ADAM12: variants seen among roughly 807,000 people sequenced by gnomAD.
The protein encoded by ADAM12 is ADAM metallopeptidase domain 12, also known as disintegrin and metalloproteinase domain-containing protein 12.
A neutral mutation model predicts 106.4 loss-of-function variants in ADAM12; 70 were observed. The ratio of observed to expected loss-of-function variants is 0.66; its 90% CI spans 0.54 to 0.80. The LOEUF is 0.80. ADAM12 is among the 30% of genes least tolerant of loss of function. The pLI, the probability that ADAM12 is intolerant of heterozygous loss-of-function variation, is 0.00. For missense variants in ADAM12, 1,010 were observed against 1,171.9 expected, an observed-to-expected ratio of 0.86 and a Z score of 2.02; for synonymous variants, 420 against 433.5, an observed-to-expected ratio of 0.97 and a Z score of 0.39.
rs1565063717 is a variant in ADAM12 at position 126,108,572 on chromosome 10, AACT to A, written c.741+18_741+20del. ...AACATTTACATGATCTGAATGATTT[AACT>A]ACTGAAAAAGAACTTACCTTGTCAA... On this transcript the variant is annotated intron_variant, in intron 8 of 22. Transcript: ENST00000448723. The A allele has an allele frequency of 6.2e-7, 1 of 1,601,260 alleles. No homozygotes were observed.
chr10:126,113,674 AAAAAAAAAAAAAAATATATATATATAT>A (rs1955915124), intron 6 of ADAM12, among the ~76,000 whole-genome samples: 1 of 56,812 alleles, frequency 1.8e-5, no homozygotes, highest in Non-Finnish European at 3.0e-5. Flanking sequence ...AAAAAAAAAA[AAAAAAAAAAAAAAATATATATATATAT>A]ATATATATAT....
chr10:126,160,287 T>C (rs994334578), intron 3 of ADAM12, among the ~76,000 whole-genome samples: 1 of 152,040 alleles, frequency 6.6e-6, no homozygotes, highest in Non-Finnish European at 1.5e-5. Context: ...GATTCAACTA[T>C]CTCCTTCAAA....
At chr10:126,106,486 C>CT (rs533243635) in intron 8 of ADAM12, among the ~76,000 whole-genome samples, 1,559 of 115,924 alleles carry the variant, frequency 0.013, 27 homozygotes, top group African/African-American at 0.037. Flanking sequence ...TCTTCTTCTT[C>CT]TTTTTTTTTT....
In ADAM12 at chr10:126,159,843, CA is replaced by C. The variant is rs913343970; in HGVS notation, c.261-4539del. On this transcript the variant is annotated intron_variant, in intron 3 of 22. Coordinates refer to ENST00000448723, the MANE Select transcript of ADAM12 (RefSeq NM_001288973.2). ...CTACCCACTGCTCCTCATCATCATC[CA>C]AGTGTCATTGGAGCTAAGCAGAAAT... Among the ~76,000 whole-genome samples, 147 of 152,280 alleles carry C rather than the reference CA, an allele frequency of 9.7e-4. 1 individual carries two copies. Among genetic ancestry groups the C allele is most frequent in the Admixed American group, 8.4e-3 (128 of 15,298 alleles).
At chr10:126,290,505 T>C (rs1960100377) in intron 2 of ADAM12, among the ~76,000 whole-genome samples, 1 of 152,196 alleles carries the variant, frequency 6.6e-6, no homozygotes, top group South Asian at 2.1e-4. Flanking sequence ...AAAAAGGCTG[T>C]TTGGAAACCA....
At chr10:126,243,475 GTGTGTGTGAGTGTA>G (rs1402335641) in intron 3 of ADAM12, among the ~76,000 whole-genome samples, 1 of 115,926 alleles carries the variant, frequency 8.6e-6, no homozygotes, top group Admixed American at 1.0e-4. Flanking sequence ...GAGCAACTCT[GTGTGTGTGAGTGTA>G]TGTGTGTGTG....
intron 18 of ADAM12, among the ~76,000 whole-genome samples, 197 bp downstream of exon 18, chr10:126,042,843 C>CA (rs1421736679): frequency 1.3e-5 from 2 of 152,208 alleles, no homozygotes; most frequent in East Asian, 3.8e-4. Flanking sequence ...AAGCAGAGAG[C>CA]AAGGAGCCTC....
chr10:126,365,222 T>C (rs1431104374), intron 1 of ADAM12, among the ~76,000 whole-genome samples: 1 of 152,220 alleles, frequency 6.6e-6, no homozygotes, highest in Non-Finnish European at 1.5e-5. Context: ...ATTTGTTCTC[T>C]AACATTCTGC....
rs552543891 is a variant in ADAM12, at chr10:126,192,160, C to T, written c.261-36855G>A. Among the ~76,000 whole-genome samples the T allele has an allele frequency of 6.6e-5, 10 of 152,314 alleles. 1 individual carries two copies. The highest frequency in any genetic ancestry group is 2.6e-4 in the Admixed American group (4 of 15,308). On this transcript the variant is annotated intron_variant, in intron 3 of 22. Transcript: ENST00000448723. Reference sequence around the variant, plus strand: ...GGGGACACAGATCCAAACCATATCACTAGCTATGTGCCTTTGGGAAAGTTG... The same window carrying T: ...GGGGACACAGATCCAAACCATATCATTAGCTATGTGCCTTTGGGAAAGTTG...
rs575141505 is a variant in ADAM12, at chr10:126,331,170, A to G, written c.89-661T>C. On this transcript the variant is annotated intron_variant, in intron 1 of 22. Coordinates refer to ENST00000448723, the MANE Select transcript of ADAM12 (RefSeq NM_001288973.2). ...CAATTTAGACCCATTTCCATAAACA[A>G]TCCTCACGGAAAGTATAACATTTTT... Among the ~76,000 whole-genome samples the G allele has an allele frequency of 4.8e-4, 73 of 152,340 alleles. 1 individual carries two copies. In the South Asian group the frequency reaches 0.015, roughly 31 times the overall value.
chr10:126,239,917 G>A (rs538266870), intron 3 of ADAM12, among the ~76,000 whole-genome samples: 1 of 152,356 alleles, frequency 6.6e-6, no homozygotes, highest in East Asian at 1.9e-4. Flanking sequence ...TCTGGTTGGT[G>A]TGGCTTCCAA....
At chr10:126,172,002 G>T (rs1957128610) in intron 3 of ADAM12, among the ~76,000 whole-genome samples, 1 of 152,164 alleles carries the variant, frequency 6.6e-6, no homozygotes, top group Non-Finnish European at 1.5e-5. Flanking sequence ...ATACGTTGAG[G>T]AGGAGGGAGG....
At chr10:126,180,367 G>T (rs12261728) in intron 3 of ADAM12, among the ~76,000 whole-genome samples, 1 of 152,018 alleles carries the variant, frequency 6.6e-6, no homozygotes, top group African/African-American at 2.4e-5. Flanking sequence ...TGATTCTGGA[G>T]GGGCCCCCCA....
At chr10:126,281,194 AAT>A (rs1203227972) in intron 2 of ADAM12, among the ~76,000 whole-genome samples, 20 of 152,190 alleles carry the variant, frequency 1.3e-4, no homozygotes, top group Admixed American at 3.9e-4. Context: ...ATTAGAACAA[AAT>A]ATGTCTCAAT....
intron 3 of ADAM12, among the ~76,000 whole-genome samples, chr10:126,260,515 C>T (rs1312466148): frequency 1.3e-5 from 2 of 151,960 alleles, no homozygotes; most frequent in Non-Finnish European, 2.9e-5. Flanking sequence ...AGAGTAAAAA[C>T]AAAAATAGGA....
intron 3 of ADAM12, among the ~76,000 whole-genome samples, chr10:126,242,018 T>A (rs996647875): frequency 1.3e-5 from 2 of 152,012 alleles, no homozygotes; most frequent in Admixed American, 1.3e-4. Flanking sequence ...ATGTTTGGAA[T>A]CTTAGACTGA....
chr10:126,317,143 C>T (rs914300543), intron 2 of ADAM12, among the ~76,000 whole-genome samples: 5 of 152,272 alleles, frequency 3.3e-5, no homozygotes, highest in Middle Eastern at 3.4e-3. Context: ...AGTGCTGTAC[C>T]TGTGATGTTT....
intron 2 of ADAM12, among the ~76,000 whole-genome samples, chr10:126,330,056 T>C (rs1467031962): frequency 6.6e-6 from 1 of 152,238 alleles, no homozygotes; most frequent in East Asian, 1.9e-4. Context: ...AATATATTTC[T>C]AGCAATAATC....
Position 126,149,861 on chromosome 10 carries a change from T to G in ADAM12, c.339+5366A>C, listed in dbSNP as rs530567338. On this transcript the variant is annotated intron_variant, in intron 4 of 22. Transcript: ENST00000448723. Reference sequence around the variant, plus strand: ...TGGATTGGCTTCCTTGCTCCTCAACTTGCAGATGGCCTATTGTGAGGCCTT... The same window carrying G: ...TGGATTGGCTTCCTTGCTCCTCAACGTGCAGATGGCCTATTGTGAGGCCTT... Among the ~76,000 whole-genome samples the G allele has an allele frequency of 3.3e-5, 5 of 152,316 alleles. No individual in the cohort carries two copies. The South Asian group carries it at 1.0e-3, about 32-fold the overall frequency.
Sources: allele counts gnomAD v4.1 joint callset (sites outside exome capture counted in the v4.1 genomes callset), GRCh38; gene constraint gnomAD v4.1.1; transcripts MANE v1.5; gene names NCBI Gene and HGNC (gene_info 2026-07-23, HGNC 2026-07-21).